The following TMC1 variants were observed in gnomAD, a reference collection of about 807,000 sequenced individuals.
TMC1 encodes the protein transmembrane channel-like protein 1.
In TMC1, 84 loss-of-function variants were observed where a neutral mutation model predicts 105.8. The observed-to-expected ratio is 0.79, with a 90% CI of 0.67 to 0.95. The LOEUF (loss-of-function observed/expected upper bound fraction) is 0.95. Ranked by LOEUF, TMC1 falls within the 40% of genes least tolerant of loss-of-function variation. The pLI, the probability that TMC1 is intolerant of heterozygous loss-of-function variation, is 0.00. For missense variants in TMC1, 817 were observed against 914.1 expected, an observed-to-expected ratio of 0.89 and a Z score of 1.37; for synonymous variants, 315 against 311.5, an observed-to-expected ratio of 1.01 and a Z score of -0.12.
intron 1 of TMC1, among the ~76,000 whole-genome samples, chr9:72,531,680 C>T (rs563068142): frequency 6.6e-6 from 1 of 152,198 alleles, no homozygotes; most frequent in Non-Finnish European, 1.5e-5. Context: ...ATTACTCTTA[C>T]ATCTAGGGTG....
chr9:72,651,320 TC>T (rs1825811584), intron 5 of TMC1: 1 of 152,074 alleles, frequency 6.6e-6, no homozygotes, highest in African/African-American at 2.4e-5. Context: ...CTGTTTTCAC[TC>T]CATGGAGAGT....
intron 23 of TMC1, among the ~76,000 whole-genome samples, chr9:72,832,511 CTGAAGTCAGTCA>C (rs760871902): frequency 1.3e-5 from 2 of 152,182 alleles, no homozygotes; most frequent in Non-Finnish European, 2.9e-5. Context: ...TGGTAAGTTA[CTGAAGTCAGTCA>C]GGACCCATCC....
intron 5 of TMC1, among the ~76,000 whole-genome samples, chr9:72,659,656 A>G (rs532738614): frequency 1.2e-4 from 18 of 152,302 alleles, no homozygotes; most frequent in Admixed American, 3.3e-4. Context: ...AAAACAGACA[A>G]ACAAACAAAT....
chr9:72,748,669 C>T (rs561727001), intron 10 of TMC1, among the ~76,000 whole-genome samples: 3 of 152,178 alleles, frequency 2.0e-5, no homozygotes, highest in Admixed American at 6.5e-5. Flanking sequence ...TAACAACATC[C>T]GGTAGGATAG....
Position 72,747,597 on chromosome 9 carries a change from T to G in TMC1, c.536-4253T>G, listed in dbSNP as rs550134730. On this transcript the variant is annotated intron_variant, in intron 10 of 23. Transcript: ENST00000297784. ...TTTTTGGTTGTTGTTGTTGTTTGTT[T>G]GTTTGTTTGTTTTTTGAGACAGAGT... Among the ~76,000 whole-genome samples, 6 of 152,228 alleles carry G rather than the reference T, an allele frequency of 3.9e-5. No individual in the cohort carries two copies. In the South Asian group the frequency reaches 1.2e-3, roughly 32 times the overall value.
chr9:72,673,795 A>G (rs1826161445), intron 5 of TMC1, among the ~76,000 whole-genome samples: 1 of 152,172 alleles, frequency 6.6e-6, no homozygotes, highest in Admixed American at 6.5e-5. Flanking sequence ...ATCCTACAAA[A>G]CGTATTCCAA....
intron 1 of TMC1, among the ~76,000 whole-genome samples, chr9:72,566,728 C>T (rs1182453703): frequency 6.6e-6 from 1 of 152,172 alleles, no homozygotes; most frequent in Non-Finnish European, 1.5e-5. Context: ...CTTCCTCCTA[C>T]CCTTGTGGAC....
At chr9:72,768,803 T>C (rs1477346919) in intron 12 of TMC1, among the ~76,000 whole-genome samples, 1 of 152,198 alleles carries the variant, frequency 6.6e-6, no homozygotes, top group African/African-American at 2.4e-5. Flanking sequence ...TGCTTTCTCC[T>C]TTTATGATAT....
At chr9:72,814,038 C>T (rs900004479) in intron 18 of TMC1, among the ~76,000 whole-genome samples, 4 of 152,180 alleles carry the variant, frequency 2.6e-5, no homozygotes, top group Non-Finnish European at 5.9e-5. Context: ...TAAAATGTCT[C>T]ATCTCTAATG....
In TMC1 at chr9:72,788,429, C is replaced by T. The variant is rs1268854638; in HGVS notation, c.975C>T (p.Ile325=). ...TCTTTACCAGCTGGGACTACCTGAT[C>T]GGCAATCCTGAAACAGCAGACAACA... The part of the protein sequence containing the change: ...WKVFTSWDYL[I]GNPETADNKF... Residue 325 remains isoleucine, a synonymous_variant, in exon 14 of 24, where the codon ATC becomes ATT. Transcript: ENST00000297784. 6 of 1,613,808 alleles carry T rather than the reference C, an allele frequency of 3.7e-6. No homozygotes were observed. The highest frequency in any genetic ancestry group is 1.7e-5 in the Admixed American group (1 of 59,990).
At chr9:72,733,945 C>G (rs1827256825) in intron 8 of TMC1, among the ~76,000 whole-genome samples, 2 of 152,068 alleles carry the variant, frequency 1.3e-5, no homozygotes, top group South Asian at 4.2e-4. Context: ...GCCAGCATCA[C>G]TAAACTTATG....
intron 8 of TMC1, among the ~76,000 whole-genome samples, chr9:72,713,523 T>G (rs2117917666): frequency 6.6e-6 from 1 of 152,340 alleles, no homozygotes; most frequent in South Asian, 2.1e-4. Context: ...GGCTAGAAAC[T>G]TATCCATTTC....
chr9:72,775,505 C>T (rs1368473640), intron 13 of TMC1, among the ~76,000 whole-genome samples: 4 of 152,108 alleles, frequency 2.6e-5, no homozygotes, highest in Non-Finnish European at 4.4e-5. Flanking sequence ...ATTCTCTAAG[C>T]TAAAAATTTG....
At chr9:72,559,615 A>G (rs1824010302) in intron 1 of TMC1, among the ~76,000 whole-genome samples, 1 of 152,228 alleles carries the variant, frequency 6.6e-6, no homozygotes, top group South Asian at 2.1e-4. Flanking sequence ...ATTCAGAAAG[A>G]AAAGAGCAGG....
At chr9:72,696,808 CCTT>C (rs1826559071) in intron 7 of TMC1, among the ~76,000 whole-genome samples, 1 of 152,056 alleles carries the variant, frequency 6.6e-6, no homozygotes, top group Non-Finnish European at 1.5e-5. Context: ...GCATATTATG[CCTT>C]CTTCTTCCTA....
intron 1 of TMC1, among the ~76,000 whole-genome samples, chr9:72,562,918 G>A (rs1005232059): frequency 6.6e-6 from 1 of 152,096 alleles, no homozygotes; most frequent in Admixed American, 6.6e-5. Context: ...GGTGGTGGAG[G>A]TTGCAGTGAG....
chr9:72,769,956 G>T (rs967128854), intron 12 of TMC1, among the ~76,000 whole-genome samples: 1 of 152,174 alleles, frequency 6.6e-6, no homozygotes, highest in Non-Finnish European at 1.5e-5. Flanking sequence ...AAGCATGAAG[G>T]TTTAAGACAT....
chr9:72,698,749 A>G (rs143679265), intron 7 of TMC1, among the ~76,000 whole-genome samples: 2 of 152,268 alleles, frequency 1.3e-5, no homozygotes, highest in East Asian at 3.9e-4. Flanking sequence ...AGACCCTAGG[A>G]GCTAAAACTC....
chr9:72,753,778 C>T (rs887352194), intron 11 of TMC1, among the ~76,000 whole-genome samples: 1 of 152,198 alleles, frequency 6.6e-6, no homozygotes, highest in African/African-American at 2.4e-5. Context: ...CAGTATTCCT[C>T]CAAGGCAAAT....
Sources: gnomAD v4.1 joint callset for allele counts (sites outside exome capture counted in the v4.1 genomes callset) on GRCh38, gnomAD v4.1.1 for gene constraint, MANE v1.5 for transcripts, NCBI Gene and HGNC (gene_info 2026-07-23, HGNC 2026-07-21) for gene names.